RNF4: variants seen among roughly 807,000 people sequenced by gnomAD.
RNF4 encodes E3 ubiquitin-protein ligase RNF4.
A neutral mutation model predicts 24.3 loss-of-function variants in RNF4; 7 were observed. The observed-to-expected ratio is 0.29, with a 90% confidence interval of 0.16 to 0.54. RNF4 has a LOEUF of 0.54. Ranked by LOEUF, RNF4 falls within the 20% of genes least tolerant of loss-of-function variation. The pLI is 0.95. For synonymous variants in RNF4, 83 were observed against 84.3 expected (o/e 0.98, Z 0.09); for missense variants, 209 against 248.5 (o/e 0.84, Z 1.07).
intron 1 of RNF4, among the ~76,000 whole-genome samples, chr4:2,482,198 C>T (rs573222883): frequency 6.6e-6 from 1 of 152,308 alleles, no homozygotes; most frequent in East Asian, 1.9e-4. Context: ...TCGAGAATTC[C>T]CATTGTGGGG....
At chr4:2,488,332 C>T (rs1382934772) in intron 1 of RNF4, among the ~76,000 whole-genome samples, 1 of 152,150 alleles carries the variant, frequency 6.6e-6, no homozygotes, top group Admixed American at 6.5e-5. Context: ...GGTGTGGTGG[C>T]ACATGCCTGT....
intron 3 of RNF4, among the ~76,000 whole-genome samples, chr4:2,500,170 A>AG (rs1225772766): frequency 6.6e-6 from 1 of 151,904 alleles, no homozygotes; most frequent in African/African-American, 2.4e-5. Flanking sequence ...AAAAAAAAAA[A>AG]AAAAAAAGAA....
At position 2,514,213 on chromosome 4, in the gene RNF4, C is replaced by G; in HGVS notation, c.*394C>G. The stretch of plus-strand genomic sequence containing the variant: ...AGTGTCTGCCGGTCGACCAATCTGC[C>G]TGCCACACATTGACCAAGCCAGACC... On this transcript the variant is annotated 3_prime_UTR_variant, in exon 8 of 8. Coordinates refer to ENST00000314289, the MANE Select transcript of RNF4 (RefSeq NM_002938.5). 4.2e-6 allele frequency: 1 copy of G among 236,248 alleles called. No homozygotes were observed. 14.6% of individuals were successfully genotyped at this position (236,248 alleles called of 1,614,324 possible).
chr4:2,476,181 A>T (rs1437426142), intron 1 of RNF4, among the ~76,000 whole-genome samples: 1 of 151,938 alleles, frequency 6.6e-6, no homozygotes, highest in Non-Finnish European at 1.5e-5. Context: ...GCCACACCTC[A>T]CCTCTTACTT....
chr4:2,475,695 G>T (rs900181009), intron 1 of RNF4, among the ~76,000 whole-genome samples: 4 of 152,112 alleles, frequency 2.6e-5, no homozygotes, highest in Middle Eastern at 3.2e-3. Flanking sequence ...TTTTGTCCAG[G>T]CTGGTCTCAG....
intron 4 of RNF4, among the ~76,000 whole-genome samples, chr4:2,508,871 C>T (rs1433194188): frequency 6.8e-6 from 1 of 146,722 alleles, no homozygotes; most frequent in Non-Finnish European, 1.5e-5. Context: ...CTCTGCCTCC[C>T]AGAGTGCTGG....
Position 2,513,963 on chromosome 4 carries a change from C to T in RNF4, c.*144C>T, listed in dbSNP as rs1736341725. 2.7e-6 allele frequency: 3 copies of T among 1,111,940 alleles called. No homozygotes were observed. The highest frequency in any genetic ancestry group is 4.2e-5 in the Admixed American group (2 of 47,200). 68.9% of individuals were successfully genotyped at this position (1,111,940 alleles called of 1,614,324 possible). ...TAAACTGCTCTTTTGTTTCCAACCC[C>T]TTCCTTTTGTTATCTCCAGTTTGAT... is the stretch of plus-strand genomic sequence containing the variant. On this transcript the variant is annotated 3_prime_UTR_variant, in exon 8 of 8. Transcript: ENST00000314289.
chr4:2,476,786 A>G (rs1445704940), intron 1 of RNF4, among the ~76,000 whole-genome samples: 2 of 149,932 alleles, frequency 1.3e-5, no homozygotes, highest in Non-Finnish European at 3.0e-5. Flanking sequence ...TGCAGGTGCA[A>G]TTATATAGCA....
intron 4 of RNF4, among the ~76,000 whole-genome samples, chr4:2,511,241 C>T (rs1271214960): frequency 1.3e-5 from 2 of 151,742 alleles, no homozygotes; most frequent in Non-Finnish European, 2.9e-5. Context: ...TTGCAGTCAG[C>T]ACATGGTGTG....
intron 1 of RNF4, among the ~76,000 whole-genome samples, chr4:2,472,922 C>G (rs1013609187): frequency 6.6e-6 from 1 of 152,068 alleles, no homozygotes; most frequent in African/African-American, 2.4e-5. Flanking sequence ...CACCTGTAGT[C>G]CCAGCTACTC....
At position 2,513,085 on chromosome 4, in the gene RNF4, C is replaced by A. The variant is rs1220867288; in HGVS notation, c.377C>A (p.Pro126His). The part of the protein sequence containing the change: ...ARDEGATGLR[P>H]SGTVSCPICM... ...AACGTGAAGCACTGTGCTCTTAGGC[C>A]CTCAGGTACTGTCAGTTGTCCCATC... is the stretch of plus-strand genomic sequence containing the variant. Residue 126 changes from proline to histidine, a missense_variant and splice_region_variant, in exon 7 of 8, where the codon CCC (proline) becomes CAC (histidine). Around this residue, in one of 3 missense-constraint regions of RNF4, gnomAD observed 182 missense variants for 197.2 expected, o/e 0.92. Coordinates refer to ENST00000314289, the MANE Select transcript of RNF4 (RefSeq NM_002938.5). 6.2e-7 allele frequency: 1 copy of A among 1,613,744 alleles called. No individual in the cohort carries two copies. The highest frequency in any genetic ancestry group is 2.2e-5 in the East Asian group (1 of 44,886).
At chr4:2,513,202 G>T (rs897695051) in intron 7 of RNF4, 71 bp downstream of exon 7, 1 of 1,438,750 alleles carries the variant, frequency 7.0e-7, no homozygotes, top group African/African-American at 1.4e-5. Context: ...GATGAGACAG[G>T]ATCTTCCCCC....
chr4:2,482,882 C>T (rs1735284095), intron 1 of RNF4, among the ~76,000 whole-genome samples: 1 of 152,162 alleles, frequency 6.6e-6, no homozygotes, highest in African/African-American at 2.4e-5. Flanking sequence ...CTTTCTTCAA[C>T]CTCCTCTGAG....
chr4:2,472,284 C>G (rs977638703), intron 1 of RNF4, among the ~76,000 whole-genome samples: 1 of 152,072 alleles, frequency 6.6e-6, no homozygotes, highest in Non-Finnish European at 1.5e-5. Flanking sequence ...TATTTTAAGC[C>G]CACTATTGAG....
chr4:2,507,149 TGA>T (rs1465096480), intron 4 of RNF4, among the ~76,000 whole-genome samples: 1 of 151,746 alleles, frequency 6.6e-6, no homozygotes, highest in Non-Finnish European at 1.5e-5. Context: ...TTTCCATTTA[TGA>T]GACTCTGTAG....
chr4:2,492,933 T>G (rs1735623825), intron 2 of RNF4, among the ~76,000 whole-genome samples: 1 of 152,200 alleles, frequency 6.6e-6, no homozygotes, highest in African/African-American at 2.4e-5. Context: ...TGGTTAAAAT[T>G]CCTGAAAGTT....
chr4:2,497,236 ACACT>A, intron 3 of RNF4, 115 bp downstream of exon 3: 1 of 664,470 alleles, frequency 1.5e-6, no homozygotes, highest in Non-Finnish European at 2.6e-6. Flanking sequence ...ATGCAGTCTC[ACACT>A]CACCATGTAC....
At chr4:2,490,232 A>G (rs1735539434) in intron 1 of RNF4, 105 bp from the exon 2 acceptor site, 4 of 431,740 alleles carry the variant, frequency 9.3e-6, no homozygotes, top group East Asian at 3.5e-5. Flanking sequence ...GTGAAATAGT[A>G]AGCAAATAAC....
intron 4 of RNF4, 95 bp from the exon 5 acceptor site, chr4:2,511,861 G>A (rs1382412506): frequency 1.6e-6 from 2 of 1,255,854 alleles, no homozygotes; most frequent in East Asian, 2.5e-5. Flanking sequence ...TTCCACAGAG[G>A]GTGTCACACG....
Sources: allele counts gnomAD v4.1 joint callset (sites outside exome capture counted in the v4.1 genomes callset), GRCh38; gene constraint gnomAD v4.1.1; regional missense constraint gnomAD v4.1.1; transcripts MANE v1.5; gene names NCBI Gene and HGNC (gene_info 2026-07-23, HGNC 2026-07-21).